CD99: variants seen among roughly 807,000 people sequenced by gnomAD.
CD99 encodes the protein CD99 molecule (Xg blood group).
A neutral mutation model predicts 28.4 loss-of-function variants in CD99; 19 were observed. The ratio of observed to expected loss-of-function variants is 0.67; its 90% CI spans 0.47 to 0.98. The LOEUF (loss-of-function observed/expected upper bound fraction) is 0.98, where lower values mean the gene tolerates loss of function less well. CD99 is among the 50% of genes least tolerant of loss of function. CD99 has a pLI of 0.00. For missense variants in CD99, 283 were observed against 248.8 expected, an observed-to-expected ratio of 1.14 and a Z score of -0.92; for synonymous variants, 103 against 92.1, an observed-to-expected ratio of 1.12 and a Z score of -0.67.
At chrX:2,728,425 A>C (rs2049410392) in intron 8 of CD99, among the ~76,000 whole-genome samples, 1 of 151,400 alleles carries the variant, frequency 6.6e-6, no homozygotes, top group Non-Finnish European at 1.5e-5. Context: ...CGAACTCCTG[A>C]CCTTGGATGA....
chrX:2,703,605 A>AGTGTGTGTGTGTGTGTGTGTGT (rs556444956), intron 1 of CD99, among the ~76,000 whole-genome samples: 1 of 138,404 alleles, frequency 7.2e-6, no homozygotes, highest in African/African-American at 2.7e-5. Context: ...CGAGCTGTTA[A>AGTGTGTGTGTGTGTGTGTGTGT]GTGTGTGTGT....
intron 5 of CD99, among the ~76,000 whole-genome samples, chrX:2,721,726 G>A (rs773093961): frequency 1.3e-4 from 20 of 151,750 alleles, no homozygotes; most frequent in African/African-American, 3.6e-4. Flanking sequence ...CATTTCTATC[G>A]TATGAGTTTT....
chrX:2,699,100 C>G (rs998410275), intron 1 of CD99, among the ~76,000 whole-genome samples: 3 of 148,576 alleles, frequency 2.0e-5, no homozygotes, highest in Non-Finnish European at 2.9e-5. Context: ...CTAATCTTTT[C>G]TTTCTTTTTG....
In CD99 at chrX:2,723,400, C is replaced by T. The variant is rs762409445; in HGVS notation, c.361+36C>T. 1.4e-5 allele frequency: 23 copies of T among 1,610,562 alleles called. No homozygotes were observed. The East Asian group carries it at 4.9e-4, about 34-fold the overall frequency. On this transcript the variant is annotated intron_variant, in intron 7 of 9. Coordinates refer to ENST00000381192, the MANE Select transcript of CD99 (RefSeq NM_002414.5). ...CTGGCTTCTGTCTTCTTGTCTCTCC[C>T]ACGTGGTGTTGAGAAGGGGAAGCAG... is the stretch of plus-strand genomic sequence containing the variant.
chrX:2,708,296 C>T (rs1310563910), intron 1 of CD99, among the ~76,000 whole-genome samples: 1 of 152,094 alleles, frequency 6.6e-6, no homozygotes, highest in African/African-American at 2.4e-5. Flanking sequence ...AGGGTGCCCA[C>T]GTCTATATGA....
chrX:2,694,986 C>T (rs1340376260), intron 1 of CD99, among the ~76,000 whole-genome samples: 1 of 152,066 alleles, frequency 6.6e-6, no homozygotes, highest in East Asian at 1.9e-4. Flanking sequence ...GGAATCATGG[C>T]GGGATTTCAT....
intron 2 of CD99, among the ~76,000 whole-genome samples, chrX:2,716,308 A>G (rs1481168779): frequency 2.0e-5 from 3 of 151,582 alleles, no homozygotes; most frequent in Admixed American, 2.0e-4. Context: ...TGAGCCACTG[A>G]GCCCAGCCAC....
chrX:2,715,886 T>G (rs2048683591), intron 2 of CD99, among the ~76,000 whole-genome samples: 1 of 152,158 alleles, frequency 6.6e-6, no homozygotes, highest in African/African-American at 2.4e-5. Flanking sequence ...GGACCTATCC[T>G]AATCTATTAT....
intron 1 of CD99, among the ~76,000 whole-genome samples, chrX:2,698,913 C>T (rs1400106259): frequency 6.6e-6 from 1 of 151,232 alleles, no homozygotes; most frequent in Non-Finnish European, 1.5e-5. Flanking sequence ...GGTTTATAGA[C>T]GTGTTAGGTG....
intron 1 of CD99, among the ~76,000 whole-genome samples, chrX:2,692,481 T>G (rs2047371152): frequency 6.6e-6 from 1 of 152,186 alleles, no homozygotes; most frequent in South Asian, 2.1e-4. Context: ...TCTCTATTTT[T>G]AGGGAGGAGT....
intron 1 of CD99, among the ~76,000 whole-genome samples, chrX:2,693,617 T>C (rs1184595478): frequency 6.6e-6 from 1 of 152,154 alleles, no homozygotes; most frequent in African/African-American, 2.4e-5. Flanking sequence ...CAAAACCCCG[T>C]TGAGCCTGAA....
At chrX:2,700,588 C>T (rs1461931480) in intron 1 of CD99, among the ~76,000 whole-genome samples, 20 of 151,622 alleles carry the variant, frequency 1.3e-4, no homozygotes, top group African/African-American at 4.8e-4. Flanking sequence ...ATCCATCCGT[C>T]GTCCCATTCC....
At chrX:2,716,344 T>C (rs2048716844) in intron 2 of CD99, among the ~76,000 whole-genome samples, 1 of 151,702 alleles carries the variant, frequency 6.6e-6, no homozygotes, top group Non-Finnish European at 1.5e-5. Context: ...ATGTTTTACT[T>C]TTTTTTTTCT....
intron 2 of CD99, 64 bp from the exon 3 acceptor site, chrX:2,717,541 A>G (rs2048788508): frequency 3.1e-6 from 4 of 1,285,250 alleles, no homozygotes; most frequent in Admixed American, 1.7e-5. Flanking sequence ...CCTTAACCAC[A>G]AAAGAGTTGA....
chrX:2,704,257 C>T (rs1281441421), intron 1 of CD99, among the ~76,000 whole-genome samples: 1 of 152,084 alleles, frequency 6.6e-6, no homozygotes, highest in Non-Finnish European at 1.5e-5. Context: ...AGAAAGTTTC[C>T]CACTTCTTAC....
Position 2,722,577 on chromosome X carries a change from C to T in CD99, c.263-50C>T, listed in dbSNP as rs766716798. Reference sequence around the variant, plus strand: ...TTTCCTTTATTCTAAGACATGAAGACCCTTGGAGGAGTTCCAGGTTGACAG... The same window carrying T: ...TTTCCTTTATTCTAAGACATGAAGATCCTTGGAGGAGTTCCAGGTTGACAG... On this transcript the variant is annotated intron_variant, in intron 5 of 9. Coordinates refer to ENST00000381192, the MANE Select transcript of CD99 (RefSeq NM_002414.5). 3.2e-6 allele frequency: 5 copies of T among 1,547,794 alleles called. No individual in the cohort carries two copies. In the Admixed American group the frequency reaches 6.7e-5, roughly 21 times the overall value.
rs780294900 is a variant in CD99 at position 2,731,441 on chromosome X, T to C, written c.475+5068T>C. Among the ~76,000 whole-genome samples, 206 of 152,168 alleles carry C rather than the reference T, an allele frequency of 1.4e-3. 4 individuals carry two copies. The highest frequency in any genetic ancestry group is 4.8e-3 in the African/African-American group (198 of 41,504). ...CCTGGCTCTACTAAAAATACAAAAA[T>C]TAGCCAGGCATGGTGGTGCACACAT... On this transcript the variant is annotated intron_variant, in intron 8 of 9. Transcript: ENST00000381192.
chrX:2,726,351 G>A lies in CD99; in HGVS notation c.453G>A (p.Lys151=). 6.2e-7 allele frequency: 1 copy of A among 1,609,530 alleles called. No homozygotes were observed. The highest frequency in any genetic ancestry group is 2.2e-5 in the East Asian group (1 of 44,876). The change falls in exon 8 of 10, where the codon AAG becomes AAA. Residue 151 remains lysine (K), a synonymous_variant. Coordinates refer to ENST00000381192, the MANE Select transcript of CD99 (RefSeq NM_002414.5). ...CTAGCTTCATTGCTTACCAGAAAAAGAAGCTATGCTTCAAAGAAAATGGTA... is the reference window on the plus strand; with the variant it reads ...CTAGCTTCATTGCTTACCAGAAAAAAAAGCTATGCTTCAAAGAAAATGGTA... ...AISSFIAYQK[K]KLCFKENAEQ... is the part of the protein sequence containing the mutation.
At chrX:2,739,495 G>A (rs763430752) in intron 9 of CD99, among the ~76,000 whole-genome samples, 1 of 151,856 alleles carries the variant, frequency 6.6e-6, no homozygotes, top group African/African-American at 2.4e-5. Flanking sequence ...TGTCACCCAG[G>A]CTGGAGTGCA....
Sources: gnomAD v4.1 joint callset for allele counts (sites outside exome capture counted in the v4.1 genomes callset) on GRCh38, gnomAD v4.1.1 for gene constraint, MANE v1.5 for transcripts, NCBI Gene and HGNC (gene_info 2026-07-23, HGNC 2026-07-21) for gene names.